Variants in UTY observed in about 807,000 individuals in gnomAD.
UTY encodes ubiquitously transcribed tetratricopeptide repeat containing, Y-linked.
UTY carries 12 observed loss-of-function variants against 32.5 expected under a neutral mutation model. The observed-to-expected ratio is 0.37, with a 90% CI of 0.24 to 0.60. UTY has a LOEUF of 0.60. UTY is among the 20% of genes least tolerant of loss of function. The pLI is 0.69. For synonymous variants in UTY, 131 were observed against 103.4 expected (o/e 1.27, Z -1.62); for missense variants, 303 against 299.2 (o/e 1.01, Z -0.09).
At chrY:13,269,206 G>A (rs758865152) in intron 27 of UTY, among the ~76,000 whole-genome samples, 1 of 33,287 alleles carries the variant, frequency 3.0e-5, no homozygotes, top group East Asian at 8.0e-4. Flanking sequence ...GAGATGCCCT[G>A]CCCAGAGAGG....
At chrY:13,342,299 G>A in intron 17 of UTY, among the ~76,000 whole-genome samples, 7 of 33,245 alleles carry the variant, frequency 2.1e-4, no homozygotes, top group Non-Finnish European at 5.2e-4. Flanking sequence ...ATAGAAAGAT[G>A]TGCCTCTTCT....
chrY:13,471,369 T>C, intron 2 of UTY, among the ~76,000 whole-genome samples: 1 of 33,679 alleles, frequency 3.0e-5, no homozygotes, highest in East Asian at 7.8e-4. Context: ...TGATTACTTA[T>C]AATTCCTGCC....
chrY:13,249,792 A>C lies in UTY; in HGVS notation c.*64T>G. 1 of 170,737 alleles carries C rather than the reference A, an allele frequency of 5.9e-6. No homozygotes were observed. The highest frequency in any genetic ancestry group is 8.7e-5 in the African/African-American group (1 of 11,444). The allele number at this position is 170,737 out of a possible 400,897, so 42.6% of individuals were successfully genotyped here. On this transcript the variant is annotated 3_prime_UTR_variant, in exon 30 of 30. Coordinates refer to ENST00000545955, the MANE Select transcript of UTY (RefSeq NM_001258249.2). ...CAACAGTTTTATGAAACAGCTACAA[A>C]ACCAGTGGTGCAGAAATTTCCTGAA... is the stretch of plus-strand genomic sequence containing the variant.
At chrY:13,270,477 G>T in intron 27 of UTY, among the ~76,000 whole-genome samples, 2 of 32,776 alleles carry the variant, frequency 6.1e-5, no homozygotes, top group Admixed American at 2.8e-4. Context: ...AAATAATCAT[G>T]TAAGATTCCC....
At chrY:13,332,806 C>G (rs779796598) in intron 18 of UTY, among the ~76,000 whole-genome samples, 16 of 33,406 alleles carry the variant, frequency 4.8e-4, no homozygotes, top group African/African-American at 1.9e-3. Context: ...CAAATTGTCT[C>G]TGTTTGCAGA....
At chrY:13,413,010 C>T (rs1040323030) in intron 5 of UTY, among the ~76,000 whole-genome samples, 4 of 33,038 alleles carry the variant, frequency 1.2e-4, no homozygotes, top group Admixed American at 2.7e-4. Context: ...AGTCTGTGAC[C>T]CAGAGTGAGA....
At chrY:13,300,504 G>C in intron 25 of UTY, among the ~76,000 whole-genome samples, 1 of 33,114 alleles carries the variant, frequency 3.0e-5, no homozygotes, top group Non-Finnish European at 7.4e-5. Context: ...AGAATTTCTT[G>C]CACTTGGGAG....
chrY:13,388,573 A>C (rs2149480579), intron 8 of UTY, among the ~76,000 whole-genome samples: 1 of 33,443 alleles, frequency 3.0e-5, no homozygotes, highest in South Asian at 6.7e-4. Context: ...AGTAACCTTC[A>C]TCTGTTTTCC....
chrY:13,434,659 A>C, intron 4 of UTY, among the ~76,000 whole-genome samples: 2 of 34,233 alleles, frequency 5.8e-5, no homozygotes, highest in Non-Finnish European at 1.5e-4. Flanking sequence ...AAAAGAGACA[A>C]GTCAAAAGGA....
At chrY:13,270,268 CT>C (rs2056217569) in intron 27 of UTY, among the ~76,000 whole-genome samples, 1 of 33,560 alleles carries the variant, frequency 3.0e-5, no homozygotes, top group Non-Finnish European at 7.4e-5. Context: ...CTTCAGTAGA[CT>C]TTCCCCTCTA....
At chrY:13,285,006 C>T (rs1227080857) in intron 27 of UTY, among the ~76,000 whole-genome samples, 5 of 34,457 alleles carry the variant, frequency 1.5e-4, no homozygotes, top group Non-Finnish European at 2.2e-4. Context: ...GCTCTCTCTG[C>T]TATATCCCAG....
intron 12 of UTY, 76 bp downstream of exon 12, chrY:13,359,691 T>C: frequency 4.1e-6 from 1 of 240,979 alleles, no homozygotes; most frequent in Non-Finnish European, 6.4e-6. Flanking sequence ...ATAGACAAAC[T>C]TGCCAGCCAC....
At chrY:13,380,028 G>GGT (rs2065887119) in intron 8 of UTY, among the ~76,000 whole-genome samples, 1 of 2,828 alleles carries the variant, frequency 3.5e-4, no homozygotes, top group Non-Finnish European at 7.0e-4. Flanking sequence ...TATATATATA[G>GGT]ATGTGTGTGT....
At chrY:13,398,137 T>G (rs892996161) in intron 6 of UTY, among the ~76,000 whole-genome samples, 10 of 33,394 alleles carry the variant, frequency 3.0e-4, no homozygotes, top group Admixed American at 1.7e-3. Flanking sequence ...AAAACTAAGT[T>G]TCAGGGGAAA....
rs1366104517 is a variant in UTY, at chrY:13,335,998, A to G, written c.2399T>C (p.Leu800Ser). The change falls in exon 18 of 30, where the codon TTG becomes TCG. Residue 800 changes from leucine (L) to serine (S), a missense_variant. Coordinates refer to ENST00000545955, the MANE Select transcript of UTY (RefSeq NM_001258249.2). ...VKGLSNHVHQ[L>S]IADAVSSPNH... ...AGGACTGGAAACAGCATCTGCTATC[A>G]ACTGATGAACATGATTAGAAAGTCC... 6 of 397,506 alleles carry G rather than the reference A, an allele frequency of 1.5e-5. No homozygotes were observed. The Admixed American group carries it at 3.0e-4, about 20-fold the overall frequency.
chrY:13,460,549 A>T (rs2077258586), intron 3 of UTY, among the ~76,000 whole-genome samples: 1 of 33,338 alleles, frequency 3.0e-5, no homozygotes, highest in African/African-American at 1.2e-4. Context: ...AAGAATACAA[A>T]AAATATCCTG....
chrY:13,460,971 T>C (rs866280856), intron 3 of UTY, among the ~76,000 whole-genome samples: 1 of 33,041 alleles, frequency 3.0e-5, no homozygotes, highest in Non-Finnish European at 7.4e-5. Flanking sequence ...ATAATTTTTA[T>C]GTCATTTTAC....
chrY:13,395,659 AAC>A (rs113496156), intron 7 of UTY, among the ~76,000 whole-genome samples: 155 of 22,020 alleles, frequency 7.0e-3, no homozygotes, highest in African/African-American at 0.023. Context: ...ACAAAATTAA[AAC>A]ACACACACAC....
chrY:13,479,412 G>A, intron 1 of UTY, 95 bp from the exon 2 acceptor site: 1 of 388,315 alleles, frequency 2.6e-6, no homozygotes, highest in Non-Finnish European at 3.6e-6. Flanking sequence ...AGATTGGTGA[G>A]TGCCAAGCTG....
Sources: allele counts gnomAD v4.1 joint callset (sites outside exome capture counted in the v4.1 genomes callset), GRCh38; gene constraint gnomAD v4.1.1; transcripts MANE v1.5; gene names NCBI Gene and HGNC (gene_info 2026-07-23, HGNC 2026-07-21).